Variants in SRFBP1 observed in about 807,000 individuals in gnomAD.
SRFBP1 encodes the protein serum response factor-binding protein 1.
In SRFBP1, 47 loss-of-function variants were observed where a neutral mutation model predicts 45.5. The observed-to-expected ratio is 1.03, with a 90% CI of 0.82 to 1.32. The LOEUF is 1.32. SRFBP1 is among the 40% of genes most tolerant of loss of function. The pLI, the probability that SRFBP1 is intolerant of heterozygous loss-of-function variation, is 0.00. For synonymous variants in SRFBP1, 203 were observed against 166.3 expected (o/e 1.22, Z -1.70); for missense variants, 621 against 484.6 (o/e 1.28, Z -2.64).
intron 2 of SRFBP1, among the ~76,000 whole-genome samples, chr5:122,067,644 TC>T (rs936577953): frequency 1.3e-5 from 2 of 152,160 alleles, no homozygotes; most frequent in Admixed American, 6.5e-5. Context: ...AGCCTGCTCT[TC>T]AGGGCTGTCT....
chr5:122,016,028 T>TA (rs1362911132), intron 4 of SRFBP1, among the ~76,000 whole-genome samples: 3 of 152,228 alleles, frequency 2.0e-5, no homozygotes, highest in African/African-American at 4.8e-5. Flanking sequence ...GTGAGTCATG[T>TA]ACTGAGTTAT....
At chr5:122,040,561 A>G (rs916521161) in intron 2 of SRFBP1, among the ~76,000 whole-genome samples, 5 of 152,160 alleles carry the variant, frequency 3.3e-5, no homozygotes, top group Admixed American at 6.5e-5. Context: ...TGAATACTCA[A>G]TGCTTAGCTT....
chr5:122,009,579 T>G (rs974538263), intron 4 of SRFBP1, among the ~76,000 whole-genome samples: 1 of 152,168 alleles, frequency 6.6e-6, no homozygotes, highest in African/African-American at 2.4e-5. Flanking sequence ...TTCAGATGAG[T>G]AGAAGGATAG....
chr5:121,982,462 A>G (rs1367030238), intron 3 of SRFBP1, among the ~76,000 whole-genome samples: 1 of 151,872 alleles, frequency 6.6e-6, no homozygotes, highest in South Asian at 2.1e-4. Flanking sequence ...TGCATTTTTA[A>G]TATATAGGAG....
downstream of SRFBP1, among the ~76,000 whole-genome samples, chr5:122,030,043 C>T (rs189861274): frequency 1.6e-4 from 25 of 152,292 alleles, no homozygotes; most frequent in Admixed American, 1.6e-3. Flanking sequence ...AGTGATAGCT[C>T]TGCAAAACAG....
intron 3 of SRFBP1, among the ~76,000 whole-genome samples, chr5:121,979,751 C>T (rs1365431498): frequency 1.3e-5 from 2 of 152,116 alleles, no homozygotes; most frequent in East Asian, 3.9e-4. Flanking sequence ...CCACATCAGA[C>T]GTGTACTTTC....
intron 3 of SRFBP1, 138 bp from the exon 4 acceptor site, chr5:121,994,461 A>G (rs1752677845): frequency 1.6e-6 from 1 of 626,046 alleles, no homozygotes; most frequent in Admixed American, 3.3e-5. Flanking sequence ...CAACTCTGTC[A>G]TATTTTATGG....
chr5:122,015,231 T>C (rs748037560), intron 4 of SRFBP1, among the ~76,000 whole-genome samples: 1 of 152,232 alleles, frequency 6.6e-6, no homozygotes, highest in Non-Finnish European at 1.5e-5. Flanking sequence ...GATTAAAATA[T>C]ACTGCTTCTT....
chr5:122,023,837 G>T (rs1468711404), intron 7 of SRFBP1, among the ~76,000 whole-genome samples: 2 of 152,128 alleles, frequency 1.3e-5, no homozygotes, highest in Non-Finnish European at 2.9e-5. Flanking sequence ...CCTTCAGTCC[G>T]TCTGTGGGCT....
intron 1 of SRFBP1, among the ~76,000 whole-genome samples, chr5:121,972,228 G>T (rs1046946007): frequency 6.6e-6 from 1 of 151,916 alleles, no homozygotes; most frequent in Non-Finnish European, 1.5e-5. Context: ...GATAAACTCA[G>T]ATATGTGTAG....
intron 4 of SRFBP1, among the ~76,000 whole-genome samples, chr5:122,005,870 G>C (rs1752963240): frequency 6.6e-6 from 1 of 152,026 alleles, no homozygotes; most frequent in African/African-American, 2.4e-5. Flanking sequence ...TTAACAAACT[G>C]TTGTAGCTAA....
At chr5:121,963,235 T>G (rs977906329) in intron 1 of SRFBP1, among the ~76,000 whole-genome samples, 3 of 152,170 alleles carry the variant, frequency 2.0e-5, no homozygotes, top group African/African-American at 7.2e-5. Context: ...GAAATAAAAC[T>G]GAAATATATT....
chr5:122,026,503 G>C (rs1456208748), intron 7 of SRFBP1, among the ~76,000 whole-genome samples: 2 of 152,178 alleles, frequency 1.3e-5, no homozygotes, highest in African/African-American at 2.4e-5. Flanking sequence ...AGCACTATCA[G>C]TATTGTCAGA....
intron 4 of SRFBP1, among the ~76,000 whole-genome samples, chr5:122,005,277 G>C (rs1198608078): frequency 6.6e-6 from 1 of 152,068 alleles, no homozygotes. Flanking sequence ...ATTACAATCT[G>C]TCTCTTCCTT....
chr5:122,078,048 G>C, downstream of SRFBP1: 1 of 1,391,438 alleles, frequency 7.2e-7, no homozygotes, highest in Non-Finnish European at 9.4e-7. Flanking sequence ...TAAAAACGGG[G>C]CTCAAATCAC....
intron 7 of SRFBP1, among the ~76,000 whole-genome samples, chr5:122,024,537 G>A (rs184290370): frequency 3.7e-4 from 57 of 152,260 alleles, no homozygotes; most frequent in Non-Finnish European, 6.3e-4. Flanking sequence ...CGATAGAAAA[G>A]TAATGGAAGA....
chr5:122,044,773 A>C lies in SRFBP1; in HGVS notation n.311+22366A>C, dbSNP rs183990604. On this transcript the variant is annotated intron_variant and non_coding_transcript_variant, in intron 2 of 2. Coordinates refer to the SRFBP1 transcript ENST00000504881. ...TGGATATTAGATCTTTGTTGGATGC[A>C]TTGTTTGTTAAATATTTTCTCCCAT... Among the ~76,000 whole-genome samples, 5 of 151,940 alleles carry C rather than the reference A, an allele frequency of 3.3e-5. No homozygotes were observed. In the East Asian group the frequency reaches 7.7e-4, roughly 23 times the overall value.
Position 121,961,990 on chromosome 5 carries a change from G to A in SRFBP1, c.-43G>A, listed in dbSNP as rs201228905. ...CGACGCAGCCGCGGTCTGAGAGACCGGTTCACGTGCAGGCAGCGGCGGATC... is the reference window on the plus strand; with the variant it reads ...CGACGCAGCCGCGGTCTGAGAGACCAGTTCACGTGCAGGCAGCGGCGGATC... On this transcript the variant is annotated 5_prime_UTR_variant, in exon 1 of 8. Transcript: ENST00000339397. 7 of 1,613,326 alleles carry A rather than the reference G, an allele frequency of 4.3e-6. No individual in the cohort carries two copies. In the African/African-American group the frequency reaches 8.0e-5, roughly 18 times the overall value.
At chr5:121,994,995 T>TGCACCCAATACAGGA (rs575055237) in intron 4 of SRFBP1, among the ~76,000 whole-genome samples, 4,930 of 150,500 alleles carry the variant, frequency 0.033, 244 homozygotes, top group African/African-American at 0.1. Context: ...TAAATATATA[T>TGCACCCAATACAGGA]GCACCCAGAT....
Sources: allele counts gnomAD v4.1 joint callset (sites outside exome capture counted in the v4.1 genomes callset), GRCh38; gene constraint gnomAD v4.1.1; transcripts MANE v1.5; gene names NCBI Gene and HGNC (gene_info 2026-07-23, HGNC 2026-07-21).